Variants in PRLR observed in about 807,000 individuals in gnomAD.
PRLR encodes the protein hPRL receptor.
A neutral mutation model predicts 40.2 loss-of-function variants in PRLR; 13 were observed. That is an observed-to-expected ratio of 0.32 (90% confidence interval 0.21 to 0.51). The LOEUF (loss-of-function observed/expected upper bound fraction) is 0.51, where lower values mean the gene tolerates loss of function less well. Among genes scored for constraint, PRLR ranks in the 20% least tolerant of loss-of-function variants. The pLI, the probability that PRLR is intolerant of heterozygous loss-of-function variation, is 0.97. For missense variants in PRLR, 656 were observed against 747.3 expected, an observed-to-expected ratio of 0.88 and a Z score of 1.42; for synonymous variants, 269 against 278.7, an observed-to-expected ratio of 0.97 and a Z score of 0.35.
chr5:35,147,165 C>A (rs1316893865), intron 1 of PRLR, among the ~76,000 whole-genome samples: 1 of 152,176 alleles, frequency 6.6e-6, no homozygotes, highest in African/African-American at 2.4e-5. Context: ...TCTTAAATAT[C>A]AAACCAGCCA....
At chr5:35,070,017 G>A (rs1374059430) in intron 7 of PRLR, 107 bp downstream of exon 7, 29 of 1,303,116 alleles carry the variant, frequency 2.2e-5, no homozygotes, top group African/African-American at 3.0e-5. Flanking sequence ...CACCTCTATT[G>A]TTCTGGCTAA....
intron 1 of PRLR, among the ~76,000 whole-genome samples, chr5:35,136,853 G>T (rs906678438): frequency 6.6e-6 from 1 of 151,832 alleles, no homozygotes; most frequent in Admixed American, 6.6e-5. Context: ...CTGGGTTGGG[G>T]TCTGACATTT....
intron 1 of PRLR, among the ~76,000 whole-genome samples, chr5:35,216,969 T>C (rs200272991): frequency 1.4e-4 from 21 of 152,272 alleles, no homozygotes; most frequent in East Asian, 1.4e-3. Flanking sequence ...GGTAGGGTAA[T>C]GTCATGAGTG....
At chr5:35,173,062 GA>G (rs1307800898) in intron 1 of PRLR, among the ~76,000 whole-genome samples, 4 of 152,058 alleles carry the variant, frequency 2.6e-5, no homozygotes, top group Non-Finnish European at 4.4e-5. Flanking sequence ...AATTAGCCTT[GA>G]AAAACTTGTC....
intron 1 of PRLR, among the ~76,000 whole-genome samples, chr5:35,216,112 C>G (rs1776282366): frequency 1.3e-5 from 2 of 151,904 alleles, no homozygotes; most frequent in African/African-American, 4.8e-5. Context: ...TTTCTTTTCA[C>G]TTAGCTGGAT....
chr5:35,086,669 A>G (rs959334772), intron 3 of PRLR, among the ~76,000 whole-genome samples: 7 of 152,140 alleles, frequency 4.6e-5, no homozygotes, highest in Non-Finnish European at 1.0e-4. Flanking sequence ...TGAATGCAAG[A>G]TAGACACATA....
chr5:35,098,054 T>C (rs1771643047), intron 2 of PRLR, among the ~76,000 whole-genome samples: 1 of 152,184 alleles, frequency 6.6e-6, no homozygotes, highest in East Asian at 1.9e-4. Flanking sequence ...CTCCCAGCCA[T>C]AGGATTGCAT....
intron 1 of PRLR, among the ~76,000 whole-genome samples, chr5:35,179,054 C>T (rs929002325): frequency 6.6e-6 from 1 of 152,142 alleles, no homozygotes; most frequent in African/African-American, 2.4e-5. Flanking sequence ...ACAAAGGTCT[C>T]AAGGCTCTCT....
intron 2 of PRLR, 104 bp downstream of exon 2, chr5:35,117,957 T>G: frequency 1.7e-5 from 9 of 530,230 alleles, no homozygotes; most frequent in Non-Finnish European, 2.2e-5. Context: ...TGGTTTGAGA[T>G]GATATTCTGT....
chr5:35,188,972 T>G (rs1251074056), intron 1 of PRLR, among the ~76,000 whole-genome samples: 1 of 152,150 alleles, frequency 6.6e-6, no homozygotes, highest in Non-Finnish European at 1.5e-5. Context: ...CAGAACGTGG[T>G]GTTTTTTGGA....
rs192491697 is a variant in PRLR at position 35,162,935 on chromosome 5, C to T, written c.-105-44813G>A. 1.1e-4 allele frequency among the ~76,000 whole-genome samples: 16 copies of T among 152,280 alleles called. No individual in the cohort carries two copies. The East Asian group carries it at 3.1e-3, about 29-fold the overall frequency. Reference sequence around the variant, plus strand: ...TGAGTTAATTTGCCTCTATTTTCTGCCAGTGGATCTTGTTGAATCACACAT... The same window carrying T: ...TGAGTTAATTTGCCTCTATTTTCTGTCAGTGGATCTTGTTGAATCACACAT... On this transcript the variant is annotated intron_variant, in intron 1 of 9. Coordinates refer to ENST00000618457, the MANE Select transcript of PRLR (RefSeq NM_000949.7).
At position 35,084,480 on chromosome 5, in the gene PRLR, C is replaced by A; in HGVS notation, c.363G>T (p.Val121=). 6.4e-7 allele frequency: 1 copy of A among 1,568,564 alleles called. No individual in the cohort carries two copies. The highest frequency in any genetic ancestry group is 1.2e-5 in the South Asian group (1 of 82,228). The part of the protein sequence containing the change: ...SSFSDELYVD[V]TYIVQPDPPL... The stretch of plus-strand genomic sequence containing the variant: ...TTTCCTTCCCCTTACCTATGTAAGT[C>A]ACGTCCACATAAAGTTCATCCGAGA... Residue 121 remains valine (V), a synonymous_variant, in exon 5 of 10, where the codon GTG becomes GTT. Transcript: ENST00000618457.
chr5:35,177,684 C>T (rs1775186442), intron 1 of PRLR, among the ~76,000 whole-genome samples: 1 of 152,004 alleles, frequency 6.6e-6, no homozygotes, highest in Non-Finnish European at 1.5e-5. Flanking sequence ...TACAAATTAC[C>T]ACGTTTTGTT....
Position 35,063,937 on chromosome 5 carries a change from C to T in PRLR, c.*1152G>A, listed in dbSNP as rs1769194095. The stretch of plus-strand genomic sequence containing the variant: ...AAAGTGTCCTGGAGATCAAAAGAAT[C>T]AGATAAACTATACTATATTGCGTTG... On this transcript the variant is annotated 3_prime_UTR_variant, in exon 10 of 10. Coordinates refer to ENST00000618457, the MANE Select transcript of PRLR (RefSeq NM_000949.7). 2 of 152,128 alleles carry T rather than the reference C, an allele frequency of 1.3e-5. No homozygotes were observed. The highest frequency in any genetic ancestry group is 4.8e-5 in the African/African-American group (2 of 41,428). The allele number at this position is 152,128 out of a possible 1,614,324, so 9.4% of individuals were successfully genotyped here. A position where few individuals can be genotyped will look rare whatever the true frequency, so the allele number is the denominator to read the frequency against.
chr5:35,228,994 C>T (rs551471638), intron 1 of PRLR, among the ~76,000 whole-genome samples: 18 of 152,166 alleles, frequency 1.2e-4, no homozygotes, highest in African/African-American at 4.3e-4. Context: ...AGAGGACTCA[C>T]AGCTAATTCT....
intron 1 of PRLR, among the ~76,000 whole-genome samples, chr5:35,132,639 T>C (rs1270492492): frequency 2.0e-5 from 3 of 152,244 alleles, no homozygotes; most frequent in Non-Finnish European, 4.4e-5. Context: ...CTCTAAATTG[T>C]TGAAGTTGAA....
chr5:35,077,499 G>A (rs1770189522), intron 5 of PRLR, among the ~76,000 whole-genome samples: 1 of 151,928 alleles, frequency 6.6e-6, no homozygotes, highest in Admixed American at 6.6e-5. Flanking sequence ...AACAGGAAGT[G>A]CTAACTATCC....
At chr5:35,135,766 C>T (rs983669934) in intron 1 of PRLR, among the ~76,000 whole-genome samples, 54 of 152,294 alleles carry the variant, frequency 3.5e-4, no homozygotes, top group African/African-American at 1.2e-3. Context: ...CAGTGCCCGT[C>T]CTGAGGGAGC....
intron 1 of PRLR, among the ~76,000 whole-genome samples, chr5:35,146,529 T>G (rs997691101): frequency 1.3e-5 from 2 of 152,198 alleles, no homozygotes; most frequent in African/African-American, 4.8e-5. Flanking sequence ...AACCGAGGGC[T>G]GGGGAGGACC....
Sources: allele counts gnomAD v4.1 joint callset (sites outside exome capture counted in the v4.1 genomes callset), GRCh38; gene constraint gnomAD v4.1.1; transcripts MANE v1.5; gene names NCBI Gene and HGNC (gene_info 2026-07-23, HGNC 2026-07-21).